The following ZDHHC11B variants were observed in gnomAD, a reference collection of about 807,000 sequenced individuals.
ZDHHC11B encodes the protein zDHHC palmitoyltransferase 11B (putative).
Under a neutral mutation model 42.3 loss-of-function variants are expected in ZDHHC11B, and 17 were observed. The ratio of observed to expected loss-of-function variants is 0.40; its 90% CI spans 0.27 to 0.60. The LOEUF is 0.60. Ranked by LOEUF, ZDHHC11B falls within the 20% of genes least tolerant of loss-of-function variation. ZDHHC11B has a pLI of 0.41. For missense variants in ZDHHC11B, 262 were observed against 463.2 expected, an observed-to-expected ratio of 0.57 and a Z score of 3.99; for synonymous variants, 123 against 193.5, an observed-to-expected ratio of 0.64 and a Z score of 3.02.
intron 12 of ZDHHC11B, among the ~76,000 whole-genome samples, chr5:723,342 A>G (rs1479401364): frequency 8.4e-6 from 1 of 119,444 alleles, no homozygotes; most frequent in African/African-American, 3.5e-5. Flanking sequence ...AGGAGCTCAC[A>G]CACAACCTTC....
intron 12 of ZDHHC11B, among the ~76,000 whole-genome samples, chr5:724,700 T>C (rs1742443651): frequency 6.7e-6 from 1 of 150,108 alleles, no homozygotes; most frequent in African/African-American, 2.5e-5. Context: ...GACACACAGA[T>C]GCATACTATT....
In ZDHHC11B at chr5:711,397, G is replaced by C. The variant is rs1470876951; in HGVS notation, c.*893C>G. 6.5e-6 allele frequency: 1 copy of C among 154,160 alleles called. No homozygotes were observed. Among genetic ancestry groups the C allele is most frequent in the Non-Finnish European group, 1.4e-5 (1 of 69,600 alleles). 9.5% of individuals were successfully genotyped at this position (154,160 alleles called of 1,614,324 possible). A position where few individuals can be genotyped will look rare whatever the true frequency, so the allele number is the denominator to read the frequency against. ...CTGTGAGCTCCCATTTCCTAGTACTGTGCTCCCATTTCCCAGTGCTGTGCT... is the reference window on the plus strand; with the variant it reads ...CTGTGAGCTCCCATTTCCTAGTACTCTGCTCCCATTTCCCAGTGCTGTGCT... On this transcript the variant is annotated 3_prime_UTR_variant, in exon 14 of 14. Coordinates refer to ENST00000508859, the MANE Select transcript of ZDHHC11B (RefSeq NM_001351303.2).
intron 2 of ZDHHC11B, among the ~76,000 whole-genome samples, chr5:767,885 C>T (rs1187253848): frequency 6.7e-5 from 1 of 14,980 alleles, no homozygotes; most frequent in East Asian, 1.0e-3. Context: ...CTGCCCAGGG[C>T]CAGCTCTCGC....
chr5:761,792 G>T (rs1297968962), intron 4 of ZDHHC11B, among the ~76,000 whole-genome samples: 1 of 128,164 alleles, frequency 7.8e-6, no homozygotes, highest in Non-Finnish European at 1.7e-5. Flanking sequence ...TTAGGATTGG[G>T]AAGGCCACGG....
Position 717,123 on chromosome 5 carries a change from T to A in ZDHHC11B, c.1059-258A>T, listed in dbSNP as rs1332744401. On this transcript the variant is annotated intron_variant, in intron 12 of 13. Transcript: ENST00000508859. The stretch of plus-strand genomic sequence containing the variant: ...GACAAAGTGTGCTTTCCCTGATAAA[T>A]AAGAGGGTCTTGTGGTAGCCAAGGA... Among the ~76,000 whole-genome samples the A allele has an allele frequency of 5.3e-5, 8 of 151,252 alleles. 1 individual carries two copies. Among genetic ancestry groups the A allele is most frequent in the African/African-American group, 2.0e-4 (8 of 40,944 alleles).
intron 13 of ZDHHC11B, among the ~76,000 whole-genome samples, chr5:713,717 G>A (rs554721098): frequency 1.8e-4 from 28 of 151,698 alleles, no homozygotes; most frequent in Non-Finnish European, 2.8e-4. Flanking sequence ...CCAAATACTC[G>A]GCAGTGATTT....
Position 751,782 on chromosome 5 carries a change from G to T in ZDHHC11B, c.504-525C>A, listed in dbSNP as rs1445561459. On this transcript the variant is annotated intron_variant, in intron 6 of 13. Coordinates refer to ENST00000508859, the MANE Select transcript of ZDHHC11B (RefSeq NM_001351303.2). ...TCTCCAGGCCTCTCGCTGGAGAGGG[G>T]TGGCCGTGGGACATTCCCACCAGCA... Among the ~76,000 whole-genome samples the T allele has an allele frequency of 2.2e-4, 28 of 125,000 alleles. 3 individuals carry two copies. The highest frequency in any genetic ancestry group is 7.2e-4 in the African/African-American group (28 of 38,862). 82.0% of individuals were successfully genotyped at this position (125,000 alleles called of 152,430 possible).
In ZDHHC11B at chr5:759,361, C is replaced by T. The variant is rs191779338; in HGVS notation, c.223-3217G>A. Reference sequence around the variant, plus strand: ...GCCCACAGCCCCTACTCCTGGGGCCCGGTGCGGTCACGTCTTGTCGTCTTA... The same window carrying T: ...GCCCACAGCCCCTACTCCTGGGGCCTGGTGCGGTCACGTCTTGTCGTCTTA... On this transcript the variant is annotated intron_variant, in intron 4 of 13. Coordinates refer to ENST00000508859, the MANE Select transcript of ZDHHC11B (RefSeq NM_001351303.2). 5.3e-4 allele frequency among the ~76,000 whole-genome samples: 80 copies of T among 151,952 alleles called. 2 individuals are homozygous for T. The East Asian group carries it at 0.013, about 26-fold the overall frequency.
intron 12 of ZDHHC11B, among the ~76,000 whole-genome samples, chr5:727,243 G>A (rs1306096853): frequency 0.017 from 2,185 of 128,996 alleles, 65 homozygotes; most frequent in African/African-American, 0.031. Flanking sequence ...CGTGAAGGAC[G>A]GAGCTTCTGG....
chr5:737,302 G>A (rs776119538), intron 10 of ZDHHC11B, among the ~76,000 whole-genome samples: 5 of 148,308 alleles, frequency 3.4e-5, no homozygotes, highest in African/African-American at 5.1e-5. Context: ...AACAAGTAGC[G>A]AGATTGAAAC....
chr5:719,046 A>G (rs1487356005), intron 12 of ZDHHC11B, among the ~76,000 whole-genome samples: 1 of 151,830 alleles, frequency 6.6e-6, no homozygotes, highest in African/African-American at 2.4e-5. Context: ...ATATTTGAGG[A>G]AATCTTTGAT....
At position 758,976 on chromosome 5, in the gene ZDHHC11B, C is replaced by T. The variant is rs564630054; in HGVS notation, c.223-2832G>A. On this transcript the variant is annotated intron_variant, in intron 4 of 13. Transcript: ENST00000508859. ...ACTCGGGTAACCCTTCCTGAGCTGG[C>T]GGGGAGCCCCGGGATAGAGATGACA... Among the ~76,000 whole-genome samples, 7 of 151,976 alleles carry T rather than the reference C, an allele frequency of 4.6e-5. No individual in the cohort carries two copies. In the South Asian group the frequency reaches 6.2e-4, roughly 14 times the overall value.
chr5:744,660 A>G (rs1744540669), intron 9 of ZDHHC11B, among the ~76,000 whole-genome samples: 1 of 148,582 alleles, frequency 6.7e-6, no homozygotes, highest in Admixed American at 6.8e-5. Context: ...GGATCACCTG[A>G]GGCCAGAAGT....
chr5:748,802 A>G (rs1317955603), intron 7 of ZDHHC11B, among the ~76,000 whole-genome samples: 1 of 129,592 alleles, frequency 7.7e-6, no homozygotes, highest in African/African-American at 2.5e-5. Context: ...AGGGTCACTA[A>G]GTGCCAGGGC....
chr5:737,874 G>C (rs1431571183), intron 10 of ZDHHC11B, among the ~76,000 whole-genome samples: 23 of 140,674 alleles, frequency 1.6e-4, no homozygotes, highest in African/African-American at 5.9e-4. Flanking sequence ...TGAAAACATT[G>C]CCCCTCAGAA....
rs140159097 is a variant in ZDHHC11B, at chr5:759,592, G to A, written c.223-3448C>T. Among the ~76,000 whole-genome samples, 105 of 152,040 alleles carry A rather than the reference G, an allele frequency of 6.9e-4. 4 individuals are homozygous for A. In the East Asian group the frequency reaches 0.019, roughly 28 times the overall value. On this transcript the variant is annotated intron_variant, in intron 4 of 13. Transcript: ENST00000508859. ...CAGGCCCTACAGACGCTGTGGTGGC[G>A]GCGGAGCCTGTTTCCCTTTGCAGAA...
intron 13 of ZDHHC11B, among the ~76,000 whole-genome samples, chr5:714,253 G>C (rs1277425733): frequency 7.3e-6 from 1 of 137,318 alleles, no homozygotes; most frequent in Non-Finnish European, 1.5e-5. Context: ...TTATGCCATC[G>C]GTCTGTATTC....
rs563106454 is a variant in ZDHHC11B, at chr5:769,747, A to C, written c.-229-817T>G. On this transcript the variant is annotated intron_variant, in intron 1 of 13. Coordinates refer to ENST00000508859, the MANE Select transcript of ZDHHC11B (RefSeq NM_001351303.2). ...CATCCTTCAACACTGTCCTGGACATAATCATCTAACAGCTCTTCTTTTTCT... is the reference window on the plus strand; with the variant it reads ...CATCCTTCAACACTGTCCTGGACATCATCATCTAACAGCTCTTCTTTTTCT... Among the ~76,000 whole-genome samples the C allele has an allele frequency of 9.7e-4, 148 of 152,092 alleles. 4 individuals are homozygous for C. The highest frequency in any genetic ancestry group is 1.9e-3 in the Non-Finnish European group (126 of 67,924).
At chr5:769,637 C>G (rs1328104403) in intron 1 of ZDHHC11B, among the ~76,000 whole-genome samples, 2 of 151,838 alleles carry the variant, frequency 1.3e-5, no homozygotes. Context: ...CCCAAGTGAT[C>G]ACACTTTCGT....
Sources: allele counts gnomAD v4.1 joint callset (sites outside exome capture counted in the v4.1 genomes callset), GRCh38; gene constraint gnomAD v4.1.1; transcripts MANE v1.5; gene names NCBI Gene and HGNC (gene_info 2026-07-23, HGNC 2026-07-21).